The following AHCYL2 variants were observed in gnomAD, a reference collection of about 807,000 sequenced individuals.
AHCYL2 encodes adenosylhomocysteinase like 2, also known as S-adenosylhomocysteine hydrolase-like protein 2.
Under a neutral mutation model 81.4 loss-of-function variants are expected in AHCYL2, and 28 were observed. That is an observed-to-expected ratio of 0.34 (90% CI 0.25 to 0.47). AHCYL2 has a LOEUF of 0.47. AHCYL2 is among the 20% of genes least tolerant of loss of function. The pLI, the probability that AHCYL2 is intolerant of heterozygous loss-of-function variation, is 1.00. For missense variants in AHCYL2, 551 were observed against 785.1 expected (o/e 0.70, Z 3.56); for synonymous variants, 272 against 290.2 (o/e 0.94, Z 0.64).
rs1796693804 is a variant in AHCYL2, at chr7:129,413,451, A to G, written c.1367-143A>G. Reference sequence around the variant, plus strand: ...CCACCGCGCCTGGCCTGGCCTGCTTATTTTTAAGTTGTCTTCTTCTTATTG... The same window carrying G: ...CCACCGCGCCTGGCCTGGCCTGCTTGTTTTTAAGTTGTCTTCTTCTTATTG... On this transcript the variant is annotated intron_variant, in intron 11 of 16. Transcript: ENST00000325006. 7 of 719,960 alleles carry G rather than the reference A, an allele frequency of 9.7e-6. No homozygotes were observed. In the South Asian group the frequency reaches 1.3e-4, roughly 13 times the overall value. The allele number at this position is 719,960 out of a possible 1,614,324, so 44.6% of individuals were successfully genotyped here.
At chr7:129,376,524 A>T (rs1047124431) in intron 1 of AHCYL2, among the ~76,000 whole-genome samples, 1 of 152,246 alleles carries the variant, frequency 6.6e-6, no homozygotes, top group Non-Finnish European at 1.5e-5. Flanking sequence ...TGTCCCAGGA[A>T]GGAGGGATTG....
chr7:129,316,307 C>T (rs888481169), intron 1 of AHCYL2, among the ~76,000 whole-genome samples: 7 of 152,112 alleles, frequency 4.6e-5, no homozygotes, highest in Non-Finnish European at 1.0e-4. Flanking sequence ...ACTACAAGAT[C>T]CAGGAGAGAC....
At chr7:129,311,213 C>T (rs1797645967) in intron 1 of AHCYL2, among the ~76,000 whole-genome samples, 1 of 151,856 alleles carries the variant, frequency 6.6e-6, no homozygotes, top group Non-Finnish European at 1.5e-5. Context: ...TAAAAATGGA[C>T]TGAAGTCCTT....
intron 6 of AHCYL2, 41 bp from the exon 7 acceptor site, chr7:129,403,338 T>G (rs776357973): frequency 1.4e-6 from 2 of 1,438,750 alleles, no homozygotes; most frequent in East Asian, 4.8e-5. Flanking sequence ...GCCTTGAGAC[T>G]TCAGCAAAGT....
chr7:129,261,368 TGTTA>T (rs1358473218), intron 1 of AHCYL2, among the ~76,000 whole-genome samples: 16 of 152,362 alleles, frequency 1.1e-4, no homozygotes, highest in African/African-American at 3.8e-4. Flanking sequence ...CTGTGGCAAC[TGTTA>T]GTTACTTCTT....
At chr7:129,408,976 T>A (rs1796435978) in intron 10 of AHCYL2, among the ~76,000 whole-genome samples, 1 of 152,166 alleles carries the variant, frequency 6.6e-6, no homozygotes, top group Non-Finnish European at 1.5e-5. Flanking sequence ...CTCAGGAGGC[T>A]GAGGCAGGAG....
chr7:129,319,638 C>A (rs1454145475), intron 1 of AHCYL2, among the ~76,000 whole-genome samples: 3 of 152,130 alleles, frequency 2.0e-5, no homozygotes, highest in African/African-American at 7.2e-5. Flanking sequence ...TGCTGTCTTA[C>A]CACAATAGAT....
chr7:129,339,455 C>G (rs1456087845), intron 1 of AHCYL2, among the ~76,000 whole-genome samples: 1 of 152,138 alleles, frequency 6.6e-6, no homozygotes, highest in Non-Finnish European at 1.5e-5. Flanking sequence ...TGGTAACTAT[C>G]TTTGTTATAT....
In AHCYL2 at chr7:129,428,989, T is replaced by C. The variant is rs1361641539; in HGVS notation, c.*1944T>C. 6.6e-6 allele frequency: 1 copy of C among 152,250 alleles called. No homozygotes were observed. The highest frequency in any genetic ancestry group is 2.4e-5 in the African/African-American group (1 of 41,472). 9.4% of individuals were successfully genotyped at this position (152,250 alleles called of 1,614,324 possible). A position where few individuals can be genotyped will look rare whatever the true frequency, so the allele number is the denominator to read the frequency against. ...ATTCAGATCTTTGTACCTTATCTTA[T>C]ATCCAGAGCAGATTCCATTTGGCAG... is the stretch of plus-strand genomic sequence containing the variant. On this transcript the variant is annotated 3_prime_UTR_variant, in exon 17 of 17. Transcript: ENST00000325006.
intron 1 of AHCYL2, among the ~76,000 whole-genome samples, chr7:129,261,947 G>A (rs931930926): frequency 1.3e-5 from 2 of 152,098 alleles, no homozygotes; most frequent in African/African-American, 4.8e-5. Flanking sequence ...GAAAATGCAA[G>A]CAAAATAAGA....
chr7:129,415,003 C>T (rs1333700188), intron 12 of AHCYL2, among the ~76,000 whole-genome samples: 2 of 152,142 alleles, frequency 1.3e-5, no homozygotes, highest in Admixed American at 6.5e-5. Flanking sequence ...AAATAGCTGG[C>T]AGAACAACCT....
At chr7:129,336,638 G>A (rs993063362) in intron 1 of AHCYL2, among the ~76,000 whole-genome samples, 1 of 152,130 alleles carries the variant, frequency 6.6e-6, no homozygotes, top group Non-Finnish European at 1.5e-5. Context: ...AAAGAGTAGC[G>A]CCAATTCTTT....
rs77244250 is a variant in AHCYL2, at chr7:129,332,153, G to A, written c.364-47485G>A. On this transcript the variant is annotated intron_variant, in intron 1 of 16. Coordinates refer to ENST00000325006, the MANE Select transcript of AHCYL2 (RefSeq NM_015328.4). The stretch of plus-strand genomic sequence containing the variant: ...TTTGAAGAAGGATTTATTCTAAAAT[G>A]TCAGCAGTGGAAATAGTTGAGTATT... Among the ~76,000 whole-genome samples, 401 of 152,208 alleles carry A rather than the reference G, an allele frequency of 2.6e-3. 1 individual carries two copies. The highest frequency in any genetic ancestry group is 3.5e-3 in the Non-Finnish European group (239 of 67,996).
chr7:129,251,563 A>C (rs1035412892), intron 1 of AHCYL2, among the ~76,000 whole-genome samples: 4 of 152,122 alleles, frequency 2.6e-5, no homozygotes, highest in Non-Finnish European at 4.4e-5. Context: ...GCATTTAAAA[A>C]ATTTGAAACA....
At chr7:129,395,481 TG>T (rs1289723905) in intron 4 of AHCYL2, among the ~76,000 whole-genome samples, 1 of 152,230 alleles carries the variant, frequency 6.6e-6, no homozygotes, top group Non-Finnish European at 1.5e-5. Flanking sequence ...CTGCCCTTCC[TG>T]GAGAGCTGGA....
chr7:129,291,745 G>A (rs1021671115), intron 1 of AHCYL2, among the ~76,000 whole-genome samples: 1 of 151,820 alleles, frequency 6.6e-6, no homozygotes, highest in Non-Finnish European at 1.5e-5. Flanking sequence ...GGGACTACAG[G>A]CACCCGCCAC....
At chr7:129,311,519 G>A (rs1797657598) in intron 1 of AHCYL2, among the ~76,000 whole-genome samples, 1 of 152,160 alleles carries the variant, frequency 6.6e-6, no homozygotes, top group East Asian at 1.9e-4. Flanking sequence ...AACTTAGCAT[G>A]TCAAAACTGA....
chr7:129,403,707 C>CA (rs1563237935), intron 7 of AHCYL2, among the ~76,000 whole-genome samples: 2 of 151,282 alleles, frequency 1.3e-5, no homozygotes, highest in Non-Finnish European at 3.0e-5. Context: ...ACTAAAAATA[C>CA]AAAAAAATTA....
At position 129,272,975 on chromosome 7, in the gene AHCYL2, A is replaced by C. The variant is rs570150989; in HGVS notation, c.363+47536A>C. Among the ~76,000 whole-genome samples the C allele has an allele frequency of 2.0e-5, 3 of 152,100 alleles. No homozygotes were observed. The East Asian group carries it at 5.8e-4, about 29-fold the overall frequency. ...CTTAGGCTGGAGTGCAGTGGTGCTC[A>C]CTGCAACCTCTGCCTCCCGGGATCA... On this transcript the variant is annotated intron_variant, in intron 1 of 16. Transcript: ENST00000325006.
Sources: gnomAD v4.1 joint callset for allele counts (sites outside exome capture counted in the v4.1 genomes callset) on GRCh38, gnomAD v4.1.1 for gene constraint, MANE v1.5 for transcripts, NCBI Gene and HGNC (gene_info 2026-07-23, HGNC 2026-07-21) for gene names.